CHD2: variants seen among roughly 807,000 people sequenced by gnomAD.
The protein encoded by CHD2 is ATP-dependent chromatin remodeler CHD2.
Under a neutral mutation model 243.9 loss-of-function variants are expected in CHD2, and 28 were observed. The observed-to-expected ratio is 0.11, with a 90% CI of 0.09 to 0.16. The LOEUF is 0.16. CHD2 is among the 10% of genes least tolerant of loss of function. The pLI is 1.00. For missense variants in CHD2, 1,386 were observed against 2,209.8 expected, an observed-to-expected ratio of 0.63 and a Z score of 7.47; for synonymous variants, 775 against 779.0, an observed-to-expected ratio of 0.99 and a Z score of 0.09.
chr15:92,918,760 A>G (rs1369789447), intron 2 of CHD2, among the ~76,000 whole-genome samples: 5 of 151,970 alleles, frequency 3.3e-5, no homozygotes, highest in Admixed American at 6.6e-5. Flanking sequence ...AGGGAATAAT[A>G]TGAATATATA....
At chr15:92,922,882 T>G (rs972154880) in intron 2 of CHD2, among the ~76,000 whole-genome samples, 2 of 152,200 alleles carry the variant, frequency 1.3e-5, no homozygotes, top group Non-Finnish European at 2.9e-5. Flanking sequence ...TGCTTGAGAT[T>G]GATACTCTAT....
intron 20 of CHD2, among the ~76,000 whole-genome samples, chr15:92,977,601 T>C (rs2141842398): frequency 6.6e-6 from 1 of 152,198 alleles, no homozygotes; most frequent in South Asian, 2.1e-4. Flanking sequence ...GCCCAGTGTC[T>C]ACTGTCATTG....
At chr15:92,906,805 G>A (rs1205616587) in intron 2 of CHD2, among the ~76,000 whole-genome samples, 1 of 151,884 alleles carries the variant, frequency 6.6e-6, no homozygotes, top group Non-Finnish European at 1.5e-5. Flanking sequence ...TCCTCTAAGA[G>A]TATTTTGTGT....
chr15:92,932,354 A>G (rs1053746689), intron 5 of CHD2, among the ~76,000 whole-genome samples: 2 of 150,532 alleles, frequency 1.3e-5, no homozygotes, highest in African/African-American at 2.4e-5. Flanking sequence ...CAGGTTTGTT[A>G]CATATGTATA....
At chr15:92,901,079 A>G in intron 1 of CHD2, 88 bp from the exon 2 acceptor site, 1 of 664,662 alleles carries the variant, frequency 1.5e-6, no homozygotes, top group South Asian at 1.8e-5. Context: ...TGTTATAACA[A>G]TATCGTTAAC....
intron 36 of CHD2, among the ~76,000 whole-genome samples, chr15:93,012,951 G>A (rs1432567898): frequency 6.6e-6 from 1 of 152,176 alleles, no homozygotes; most frequent in African/African-American, 2.4e-5. Flanking sequence ...GTGTGGGTGT[G>A]CCCATTTGCA....
intron 10 of CHD2, 43 bp from the exon 11 acceptor site, chr15:92,945,778 C>T: frequency 7.8e-7 from 1 of 1,285,070 alleles, no homozygotes; most frequent in South Asian, 1.4e-5. Context: ...TTTCATTCTT[C>T]ATTGTGTTTA....
rs768946382 is a variant in CHD2 at position 92,981,427 on chromosome 15, T to C, written c.3036T>C (p.Ser1012=). 2 of 1,613,650 alleles carry C rather than the reference T, an allele frequency of 1.2e-6. No homozygotes were observed. The highest frequency in any genetic ancestry group is 1.7e-6 in the Non-Finnish European group (2 of 1,179,606). ...AETRENEVST[S]ATDELLSQFK... ...CGAGAGAGAATGAAGTGTCAACAAG[T>C]GCAACAGATGAACTTCTATCACAGT... is the stretch of plus-strand genomic sequence containing the variant. Residue 1012 remains serine, a synonymous_variant, in exon 24 of 39, where the codon AGT becomes AGC. Transcript: ENST00000394196.
chr15:92,940,875 CATATAAATAT>C (rs1405349777), intron 7 of CHD2, among the ~76,000 whole-genome samples: 1 of 88,780 alleles, frequency 1.1e-5, no homozygotes, highest in Non-Finnish European at 2.3e-5. Flanking sequence ...TAAAAATATA[CATATAAATAT>C]ATATAAAAAT....
At chr15:92,947,112 T>G (rs1366469508) in intron 12 of CHD2, 1 of 152,212 alleles carries the variant, frequency 6.6e-6, no homozygotes, top group Non-Finnish European at 1.5e-5. Flanking sequence ...ATCAGACAAG[T>G]GATACGTCTC....
intron 16 of CHD2, among the ~76,000 whole-genome samples, chr15:92,964,579 T>C (rs1365910011): frequency 1.3e-5 from 2 of 152,214 alleles, no homozygotes; most frequent in Non-Finnish European, 2.9e-5. Flanking sequence ...CAAAAGTTAG[T>C]CCTCTTTTTA....
chr15:93,027,878 T>G lies in CHD2; in HGVS notation c.*3173T>G, dbSNP rs1320782949. The G allele has an allele frequency of 1.3e-5, 2 of 152,692 alleles. No individual in the cohort carries two copies. The highest frequency in any genetic ancestry group is 2.9e-5 in the Non-Finnish European group (2 of 68,044). The allele number at this position is 152,692 out of a possible 1,614,324, so 9.5% of individuals were successfully genotyped here. On this transcript the variant is annotated 3_prime_UTR_variant, in exon 39 of 39. Coordinates refer to ENST00000394196, the MANE Select transcript of CHD2 (RefSeq NM_001271.4). The stretch of plus-strand genomic sequence containing the variant: ...ATATTTGTGAAAAATGCCACTGTCC[T>G]AGTGATTTCTGATGTAAATAATGTT...
Position 93,025,020 on chromosome 15 carries a change from G to T in CHD2, c.*315G>T, listed in dbSNP as rs1259244675. 6.4e-6 allele frequency: 2 copies of T among 313,138 alleles called. No homozygotes were observed. The highest frequency in any genetic ancestry group is 5.4e-5 in the South Asian group (1 of 18,532). 19.4% of individuals were successfully genotyped at this position (313,138 alleles called of 1,614,324 possible). ...ACTGGGATGTGTTTCCCCAGTCAAG[G>T]AACAGGGGATCTTCAGAGTCATGAA... On this transcript the variant is annotated 3_prime_UTR_variant, in exon 39 of 39. Coordinates refer to ENST00000394196, the MANE Select transcript of CHD2 (RefSeq NM_001271.4).
rs2054119012 is a variant in CHD2 at position 92,991,465 on chromosome 15, C to T, written c.3414-11C>T. ...TGTTTTTTTAATATGTTTTATTGAT[C>T]CTATTCTTAGGTTCATCAAGGCTTA... On this transcript the variant is annotated splice_polypyrimidine_tract_variant and intron_variant, in intron 26 of 38. Transcript: ENST00000394196. 6.3e-7 allele frequency: 1 copy of T among 1,594,636 alleles called. No homozygotes were observed. The highest frequency in any genetic ancestry group is 8.6e-7 in the Non-Finnish European group (1 of 1,165,792).
At chr15:92,940,893 A>AAT (rs1169464625) in intron 7 of CHD2, among the ~76,000 whole-genome samples, 1 of 88,396 alleles carries the variant, frequency 1.1e-5, no homozygotes, top group African/African-American at 3.7e-5. Flanking sequence ...TATATATAAA[A>AAT]ATATATATAA....
At chr15:93,020,624 C>T (rs1272531335) in intron 38 of CHD2, 7 of 411,986 alleles carry the variant, frequency 1.7e-5, no homozygotes, top group East Asian at 8.0e-5. Context: ...TTACCTGCCA[C>T]GAGCCCATAA....
chr15:92,938,113 A>G (rs901802588), intron 6 of CHD2, among the ~76,000 whole-genome samples: 1 of 152,202 alleles, frequency 6.6e-6, no homozygotes, highest in Non-Finnish European at 1.5e-5. Context: ...CCCAGGGAAA[A>G]TTACCTCCTT....
intron 37 of CHD2, among the ~76,000 whole-genome samples, chr15:93,019,762 T>C (rs553447218): frequency 2.6e-5 from 4 of 152,166 alleles, no homozygotes; most frequent in East Asian, 1.9e-4. Flanking sequence ...GGTGAAACCC[T>C]GTCTCTACTA....
At chr15:92,929,769 G>A (rs1240627383) in intron 5 of CHD2, among the ~76,000 whole-genome samples, 4 of 152,070 alleles carry the variant, frequency 2.6e-5, no homozygotes, top group African/African-American at 9.7e-5. Flanking sequence ...TCAAAACTTT[G>A]TATACCAGTT....
Sources: allele counts gnomAD v4.1 joint callset (sites outside exome capture counted in the v4.1 genomes callset), GRCh38; gene constraint gnomAD v4.1.1; transcripts MANE v1.5; gene names NCBI Gene and HGNC (gene_info 2026-07-23, HGNC 2026-07-21).